Variants in P2RY8 observed in about 807,000 individuals in gnomAD.
P2RY8 encodes P2Y receptor family member 8, also known as S-geranylgeranyl-glutathione receptor P2RY8.
A neutral mutation model predicts 10.0 loss-of-function variants in P2RY8; 6 were observed. That is an observed-to-expected ratio of 0.60 (90% CI 0.33 to 1.19). P2RY8 has a LOEUF of 1.19. P2RY8 is among the 50% of genes most tolerant of loss of function. The pLI, the probability that P2RY8 is intolerant of heterozygous loss-of-function variation, is 0.04. For missense variants in P2RY8, 456 were observed against 542.0 expected (o/e 0.84, Z 1.58); for synonymous variants, 276 against 252.5 (o/e 1.09, Z -0.88).
chrX:1,475,615 A>G (rs547703133), intron 1 of P2RY8, among the ~76,000 whole-genome samples: 3 of 152,238 alleles, frequency 2.0e-5, no homozygotes, highest in South Asian at 4.2e-4. Context: ...AGAAAGCGTC[A>G]TCATACCAAA....
chrX:1,520,706 A>G (rs1158865944), intron 1 of P2RY8, among the ~76,000 whole-genome samples: 1 of 151,666 alleles, frequency 6.6e-6, no homozygotes, highest in Non-Finnish European at 1.5e-5. Context: ...CCTGGTCTCC[A>G]ATATTCTGTC....
intron 1 of P2RY8, among the ~76,000 whole-genome samples, chrX:1,477,251 G>A (rs1418837143): frequency 6.6e-6 from 1 of 151,196 alleles, no homozygotes; most frequent in Non-Finnish European, 1.5e-5. Flanking sequence ...GAATCCATTT[G>A]TTGATCTAAC....
intron 1 of P2RY8, among the ~76,000 whole-genome samples, chrX:1,503,859 T>C (rs6645260): frequency 1.3e-5 from 2 of 151,204 alleles, no homozygotes; most frequent in African/African-American, 4.9e-5. Flanking sequence ...CATGCCACTG[T>C]ACTCCAGCCT....
intron 1 of P2RY8, among the ~76,000 whole-genome samples, chrX:1,468,251 T>C (rs1321476736): frequency 6.6e-6 from 1 of 152,206 alleles, no homozygotes; most frequent in African/African-American, 2.4e-5. Context: ...ATTTGTTGCT[T>C]TAACTCTCCA....
rs147668979 is a variant in P2RY8, at chrX:1,465,970, T to C, written c.589A>G (p.Ile197Val). 2.3e-4 allele frequency: 366 copies of C among 1,612,342 alleles called. No homozygotes were observed. The African/African-American group carries it at 2.3e-3, about 10-fold the overall frequency. ...VAMWAVFLFTIFILLFLIPFV... is the reference protein window; with the variant it reads ...VAMWAVFLFTVFILLFLIPFV... ...GGGATGAGGAACAGCAGGATGAAGA[T>C]GGTGAAGAGGAACACGGCCCACATG... Residue 197 changes from isoleucine to valine, a missense_variant, in exon 2 of 2, where the codon ATC (isoleucine) becomes GTC (valine). Transcript: ENST00000381297.
At chrX:1,504,279 G>A (rs1333167546) in intron 1 of P2RY8, among the ~76,000 whole-genome samples, 2 of 150,394 alleles carry the variant, frequency 1.3e-5, no homozygotes, top group East Asian at 1.9e-4. Flanking sequence ...TGGCGCCACT[G>A]CACTCCAGCC....
At chrX:1,472,232 A>G (rs2091796436) in intron 1 of P2RY8, among the ~76,000 whole-genome samples, 1 of 151,548 alleles carries the variant, frequency 6.6e-6, no homozygotes, top group African/African-American at 2.4e-5. Flanking sequence ...GTCATAATAG[A>G]GTAGGGAGAG....
chrX:1,482,410 C>T (rs1477594450), intron 1 of P2RY8, among the ~76,000 whole-genome samples: 1 of 151,964 alleles, frequency 6.6e-6, no homozygotes, highest in African/African-American at 2.4e-5. Flanking sequence ...TACTGAGCCA[C>T]AGTGCCCATG....
At chrX:1,494,541 A>G (rs6645256) in intron 1 of P2RY8, among the ~76,000 whole-genome samples, 50,004 of 152,054 alleles carry the variant, frequency 0.33, 9,541 homozygotes, top group East Asian at 0.53. Flanking sequence ...CTTTAAAAAA[A>G]AAAAATGAGT....
At chrX:1,508,079 T>A (rs775650549) in intron 1 of P2RY8, among the ~76,000 whole-genome samples, 8 of 152,206 alleles carry the variant, frequency 5.3e-5, no homozygotes, top group Admixed American at 3.3e-4. Context: ...CCCTGTGGGT[T>A]TGGGGGAAAA....
At chrX:1,526,895 C>A (rs1476455568) in intron 1 of P2RY8, among the ~76,000 whole-genome samples, 1 of 152,000 alleles carries the variant, frequency 6.6e-6, no homozygotes, top group Non-Finnish European at 1.5e-5. Flanking sequence ...CATTTCTTTT[C>A]TTTTCTTTTC....
intron 1 of P2RY8, among the ~76,000 whole-genome samples, chrX:1,467,271 T>TCCCTGCTCTTTCTTCCTCCAGAGG (rs2091699422): frequency 1.3e-5 from 2 of 152,134 alleles, no homozygotes; most frequent in African/African-American, 4.8e-5. Flanking sequence ...CCACGGCTCC[T>TCCCTGCTCTTTCTTCCTCCAGAGG]CCCTGCTCTT....
At chrX:1,532,887 T>A (rs1213265257) in intron 1 of P2RY8, among the ~76,000 whole-genome samples, 1 of 151,226 alleles carries the variant, frequency 6.6e-6, no homozygotes, top group Non-Finnish European at 1.5e-5. Context: ...GTAATCCCAG[T>A]TACTCAGGAG....
chrX:1,524,439 A>ATCCT (rs2092416780), intron 1 of P2RY8, among the ~76,000 whole-genome samples: 1 of 133,584 alleles, frequency 7.5e-6, no homozygotes, highest in African/African-American at 2.8e-5. Flanking sequence ...CCATCCATCC[A>ATCCT]TTCATCCATC....
intron 1 of P2RY8, among the ~76,000 whole-genome samples, chrX:1,477,273 A>G (rs2091885688): frequency 3.5e-5 from 4 of 115,656 alleles, no homozygotes; most frequent in African/African-American, 1.3e-4. Flanking sequence ...CCTGTCATCC[A>G]TCTATCATCT....
chrX:1,484,724 T>TAAAAAAAAAAAAAAAAAAAAA (rs1171758279), intron 1 of P2RY8, among the ~76,000 whole-genome samples: 1 of 16,790 alleles, frequency 6.0e-5, no homozygotes, highest in African/African-American at 1.7e-4. Flanking sequence ...CAAAACCCTG[T>TAAAAAAAAAAAAAAAAAAAAA]AAAAAAAAAA....
intron 1 of P2RY8, among the ~76,000 whole-genome samples, chrX:1,489,739 G>T (rs1352465790): frequency 2.7e-5 from 4 of 148,082 alleles, no homozygotes; most frequent in Admixed American, 1.4e-4. Flanking sequence ...AAATGTGGGG[G>T]GAATGAATGA....
At chrX:1,523,148 G>T (rs2092405473) in intron 1 of P2RY8, among the ~76,000 whole-genome samples, 1 of 151,556 alleles carries the variant, frequency 6.6e-6, no homozygotes, top group Non-Finnish European at 1.5e-5. Flanking sequence ...ATAAAAAAAA[G>T]ATATAGCAAA....
intron 1 of P2RY8, among the ~76,000 whole-genome samples, chrX:1,536,486 T>G (rs1398143846): frequency 1.3e-5 from 2 of 152,032 alleles, no homozygotes; most frequent in African/African-American, 4.8e-5. Context: ...GGTCTCGAAC[T>G]CCTGACCTCA....
Sources: allele counts gnomAD v4.1 joint callset (sites outside exome capture counted in the v4.1 genomes callset), GRCh38; gene constraint gnomAD v4.1.1; transcripts MANE v1.5; gene names NCBI Gene and HGNC (gene_info 2026-07-23, HGNC 2026-07-21).